FHOD1: variants seen among roughly 807,000 people sequenced by gnomAD.
FHOD1 encodes formin homology 2 domain containing 1.
Under a neutral mutation model 111.6 loss-of-function variants are expected in FHOD1, and 89 were observed. The observed-to-expected ratio is 0.80, with a 90% CI of 0.67 to 0.95. FHOD1 has a LOEUF of 0.95. Among genes scored for constraint, FHOD1 ranks in the 40% least tolerant of loss-of-function variants. The pLI, the probability that FHOD1 is intolerant of heterozygous loss-of-function variation, is 0.00. For synonymous variants in FHOD1, 618 were observed against 639.0 expected (o/e 0.97, Z 0.50); for missense variants, 1,446 against 1,554.2 (o/e 0.93, Z 1.17).
rs2034336289 is a variant in FHOD1, at chr16:67,233,011, C to G, written c.2046+646G>C. 3.3e-5 allele frequency among the ~76,000 whole-genome samples: 5 copies of G among 152,156 alleles called. No homozygotes were observed. The South Asian group carries it at 1.0e-3, about 32-fold the overall frequency. On this transcript the variant is annotated intron_variant, in intron 13 of 21. Transcript: ENST00000258201. ...GCCTCAAGTAATCTGCCTGCCTTGG[C>G]CTCCCAAAGTGCTGGGATTACAGGG...
rs750563807 is a variant in FHOD1, at chr16:67,238,255, A to C, written c.494T>G (p.Leu165Arg). ...EFVHSEGLSC[L>R]IRVGAAADHN... Reference sequence around the variant, plus strand: ...GTCGGCAGCAGCACCCACACGGATCAGGCAGCTCAGCCCCTCTGAATGCAC... The same window carrying C: ...GTCGGCAGCAGCACCCACACGGATCCGGCAGCTCAGCCCCTCTGAATGCAC... The change falls in exon 5 of 22, where the codon CTG (leucine) becomes CGG (arginine). Residue 165 changes from leucine to arginine, a missense_variant. Leu to Arg is a moderately radical substitution (Grantham distance 102). Coordinates refer to ENST00000258201, the MANE Select transcript of FHOD1 (RefSeq NM_013241.3). The surrounding 1 kb of genome is among the most constrained non-coding windows in gnomAD (Gnocchi z 4.2). 5 of 1,614,068 alleles carry C rather than the reference A, an allele frequency of 3.1e-6. No homozygotes were observed. In the African/African-American group the frequency reaches 6.7e-5, roughly 22 times the overall value.
chr16:67,231,028 G>T lies in FHOD1; in HGVS notation c.2667+160C>A. 1 of 1,012,180 alleles carries T rather than the reference G, an allele frequency of 9.9e-7. No individual in the cohort carries two copies. The highest frequency in any genetic ancestry group is 1.4e-6 in the Non-Finnish European group (1 of 700,766). 62.7% of individuals were successfully genotyped at this position (1,012,180 alleles called of 1,614,324 possible). ...CTGAGTAGGTGTGGCCAGGCCAATA[G>T]AGGAAAGAGCATTTCTGGCAGAGGG... On this transcript the variant is annotated intron_variant, in intron 17 of 21. Transcript: ENST00000258201. The surrounding 1 kb of genome is among the most constrained non-coding windows in gnomAD (Gnocchi z 4.3).
chr16:67,235,195 G>C (rs1290459197), intron 11 of FHOD1, among the ~76,000 whole-genome samples: 1 of 152,196 alleles, frequency 6.6e-6, no homozygotes, highest in East Asian at 1.9e-4. Context: ...TCCCTCCCTT[G>C]GCATGTCTGG....
chr16:67,234,968 C>G (rs1406766368), intron 11 of FHOD1, among the ~76,000 whole-genome samples: 3 of 152,168 alleles, frequency 2.0e-5, no homozygotes, highest in Non-Finnish European at 4.4e-5. Context: ...CTGTGTTGTT[C>G]AGGCTGGCCT....
Position 67,229,591 on chromosome 16 carries a change from G to A in FHOD1, c.*45C>T, listed in dbSNP as rs745916248. The A allele has an allele frequency of 1.9e-6, 3 of 1,544,738 alleles. No homozygotes were observed. The highest frequency in any genetic ancestry group is 2.7e-6 in the Non-Finnish European group (3 of 1,116,642). On this transcript the variant is annotated 3_prime_UTR_variant, in exon 22 of 22. Transcript: ENST00000258201. ...GGCCCTCCTCACTCTGTCATCTCCTGCACTGCAGTCCAGGGTCCAGATAGA... is the reference window on the plus strand; with the variant it reads ...GGCCCTCCTCACTCTGTCATCTCCTACACTGCAGTCCAGGGTCCAGATAGA...
intron 1 of FHOD1, among the ~76,000 whole-genome samples, chr16:67,242,981 T>C (rs1239253639): frequency 6.6e-6 from 1 of 151,316 alleles, no homozygotes; most frequent in Non-Finnish European, 1.5e-5. Context: ...CTATTATATA[T>C]ATCTAGACAT....
chr16:67,231,248 C>T lies in FHOD1; in HGVS notation c.2607G>A (p.Gln869=), dbSNP rs757725556. ...AGAGGTCAGAGGACTCAGGCCGGGT[C>T]TGGAGCACTAGGGAGCAGAGATGGT... ...LLHHLCSLVL[Q]TRPESSDLYS... is the part of the protein sequence containing the mutation. The change falls in exon 17 of 22, where the codon CAG becomes CAA. Residue 869 remains glutamine, a synonymous_variant. Transcript: ENST00000258201. The surrounding 1 kb of genome is among the most constrained non-coding windows in gnomAD (Gnocchi z 4.3). 3.7e-6 allele frequency: 6 copies of T among 1,614,220 alleles called. No homozygotes were observed. The Admixed American group carries it at 1.0e-4, about 27-fold the overall frequency.
In FHOD1 at chr16:67,237,619, G is replaced by T. The variant is rs991293049; in HGVS notation, c.754+38C>A. Reference sequence around the variant, plus strand: ...CATGGGGGAACAGGTAGGAGAGAGGGCTCTGAGCGGTGGGGGGAGAAAGGG... The same window carrying T: ...CATGGGGGAACAGGTAGGAGAGAGGTCTCTGAGCGGTGGGGGGAGAAAGGG... On this transcript the variant is annotated intron_variant, in intron 7 of 21. Transcript: ENST00000258201. The surrounding 1 kb of genome is among the most constrained non-coding windows in gnomAD (Gnocchi z 5.6). 6 of 1,612,646 alleles carry T rather than the reference G, an allele frequency of 3.7e-6. No individual in the cohort carries two copies. The African/African-American group carries it at 6.7e-5, about 18-fold the overall frequency.
chr16:67,229,778 TG>T lies in FHOD1; in HGVS notation c.3412+14del. On this transcript the variant is annotated intron_variant, in intron 21 of 21. Coordinates refer to ENST00000258201, the MANE Select transcript of FHOD1 (RefSeq NM_013241.3). Reference sequence around the variant, plus strand: ...GGGGTTCAGGTGGGCAGTGGGATTGTGGGGGGTTACTTACAAGACTTGCGGT... The same window carrying T: ...GGGGTTCAGGTGGGCAGTGGGATTGTGGGGGTTACTTACAAGACTTGCGGT... 10 of 1,614,028 alleles carry T rather than the reference TG, an allele frequency of 6.2e-6. No homozygotes were observed. Among genetic ancestry groups the T allele is most frequent in the Non-Finnish European group, 8.5e-6 (10 of 1,179,962 alleles).
chr16:67,233,315 A>G (rs1027151160), intron 13 of FHOD1, among the ~76,000 whole-genome samples: 1 of 151,300 alleles, frequency 6.6e-6, no homozygotes, highest in African/African-American at 2.4e-5. Context: ...CGAACTCCTG[A>G]CCTCAAATGA....
rs1469270049 is a variant in FHOD1 at position 67,234,373 on chromosome 16, C to G, written c.1419G>C (p.Glu473Asp). ...AETLAGAMPN[E>D]AGGHPDARQL... Reference sequence around the variant, plus strand: ...CCTACTCACCTGGGTGTCCACCCGCCTCATTGGGCATGGCCCCGGCAAGTG... The same window carrying G: ...CCTACTCACCTGGGTGTCCACCCGCGTCATTGGGCATGGCCCCGGCAAGTG... The change falls in exon 12 of 22, where the codon GAG becomes GAC. Residue 473 changes from glutamate (E) to aspartate (D), a missense_variant. Transcript: ENST00000258201. 1 of 1,610,774 alleles carries G rather than the reference C, an allele frequency of 6.2e-7. No individual in the cohort carries two copies. Among genetic ancestry groups the G allele is most frequent in the East Asian group, 2.2e-5 (1 of 44,864 alleles).
chr16:67,235,854 C>T (rs889535641), intron 11 of FHOD1, among the ~76,000 whole-genome samples: 1 of 152,254 alleles, frequency 6.6e-6, no homozygotes, highest in African/African-American at 2.4e-5. Flanking sequence ...AATTGGTTCC[C>T]AGTGCTTAGC....
chr16:67,230,251 C>T (rs188445865), intron 19 of FHOD1, 23 bp from the exon 20 acceptor site: 1 of 1,613,528 alleles, frequency 6.2e-7, no homozygotes, highest in Non-Finnish European at 8.5e-7. Flanking sequence ...GAAGGGTGAG[C>T]TGGGAGGAGC....
In FHOD1 at chr16:67,238,609, T is replaced by A; in HGVS notation, c.374-162A>T. On this transcript the variant is annotated intron_variant, in intron 3 of 21. Transcript: ENST00000258201. The surrounding 1 kb of genome is among the most constrained non-coding windows in gnomAD (Gnocchi z 4.2). The stretch of plus-strand genomic sequence containing the variant: ...ACTCAGGCTGGAGTGTGGAGTGCAG[T>A]GGCACAGTCATAGCTCACTGCAACC... The A allele has an allele frequency of 1.3e-6, 1 of 746,952 alleles. No homozygotes were observed. Among genetic ancestry groups the A allele is most frequent in the Non-Finnish European group, 2.3e-6 (1 of 437,254 alleles). 46.3% of individuals were successfully genotyped at this position (746,952 alleles called of 1,614,324 possible). A position where few individuals can be genotyped will look rare whatever the true frequency, so the allele number is the denominator to read the frequency against.
intron 11 of FHOD1, 23 bp from the exon 12 acceptor site, chr16:67,234,495 G>GAC (rs1567388082): frequency 1.9e-6 from 3 of 1,545,224 alleles, no homozygotes; most frequent in Non-Finnish European, 2.6e-6. Context: ...GCTTGTCACT[G>GAC]ACAGCGTCTG....
Position 67,246,831 on chromosome 16 carries a change from TGAA to T in FHOD1, c.201+376_201+378del, listed in dbSNP as rs555952594. 1.6e-3 allele frequency: 338 copies of T among 214,914 alleles called. 1 individual carries two copies. The highest frequency in any genetic ancestry group is 7.4e-3 in the African/African-American group (320 of 43,300). The allele number at this position is 214,914 out of a possible 1,614,324, so 13.3% of individuals were successfully genotyped here. On this transcript the variant is annotated intron_variant, in intron 1 of 21. Coordinates refer to ENST00000258201, the MANE Select transcript of FHOD1 (RefSeq NM_013241.3). ...CTCGTGGTCCCGCCCCCACCTCACC[TGAA>T]GCAGGTGGAAGCTGGTCCCTCCCCA...
intron 11 of FHOD1, among the ~76,000 whole-genome samples, chr16:67,235,693 C>T (rs927368451): frequency 1.3e-5 from 2 of 152,130 alleles, no homozygotes; most frequent in East Asian, 3.8e-4. Context: ...TCCACCCCCA[C>T]ACCACACACC....
In FHOD1 at chr16:67,238,623, C is replaced by T. The variant is rs563427507; in HGVS notation, c.374-176G>A. On this transcript the variant is annotated intron_variant, in intron 3 of 21. Coordinates refer to ENST00000258201, the MANE Select transcript of FHOD1 (RefSeq NM_013241.3). The surrounding 1 kb of genome is among the most constrained non-coding windows in gnomAD (Gnocchi z 4.2). Reference sequence around the variant, plus strand: ...GTGGAGTGCAGTGGCACAGTCATAGCTCACTGCAACCTCAAACTCCTAGCC... The same window carrying T: ...GTGGAGTGCAGTGGCACAGTCATAGTTCACTGCAACCTCAAACTCCTAGCC... The T allele has an allele frequency of 1.4e-6, 1 of 700,338 alleles. No homozygotes were observed. Among genetic ancestry groups the T allele is most frequent in the East Asian group, 2.7e-5 (1 of 36,898 alleles). The allele number at this position is 700,338 out of a possible 1,614,324, so 43.4% of individuals were successfully genotyped here.
At chr16:67,236,860 G>T (rs1191709618) in intron 10 of FHOD1, 106 bp downstream of exon 10, 2 of 1,406,332 alleles carry the variant, frequency 1.4e-6, no homozygotes, top group East Asian at 2.4e-5. Context: ...GGAGGTGGGG[G>T]CTGTCTGTGG....
Sources: allele counts gnomAD v4.1 joint callset (sites outside exome capture counted in the v4.1 genomes callset), GRCh38; gene constraint gnomAD v4.1.1; non-coding constraint Gnocchi (gnomAD v3.1); transcripts MANE v1.5; gene names NCBI Gene and HGNC (gene_info 2026-07-23, HGNC 2026-07-21).